SIGLEC1: variants seen among roughly 807,000 people sequenced by gnomAD.
The protein encoded by SIGLEC1 is sialic acid binding Ig like lectin 1, also known as sialoadhesin.
Under a neutral mutation model 148.0 loss-of-function variants are expected in SIGLEC1, and 132 were observed. The observed-to-expected ratio is 0.89, with a 90% confidence interval of 0.77 to 1.03. SIGLEC1 has a LOEUF of 1.03. SIGLEC1 is among the 50% of genes least tolerant of loss of function. SIGLEC1 has a pLI of 0.00. For missense variants in SIGLEC1, 2,253 were observed against 2,271.4 expected (o/e 0.99, Z 0.16); for synonymous variants, 945 against 969.0 (o/e 0.98, Z 0.46).
rs2087872993 is a variant in SIGLEC1 at position 3,703,931 on chromosome 20, C to T, written c.867G>A (p.Val289=). Residue 289 remains valine (V), a synonymous_variant, in exon 5 of 22, where the codon GTG becomes GTA. Coordinates refer to ENST00000344754, the MANE Select transcript of SIGLEC1 (RefSeq NM_023068.4). The part of the protein sequence containing the change: ...DGVRLQTKTG[V]LHLPQAAWSD... ...TCCAGGCTGCCTGGGGCAGGTGCAGCACACCAGTCTTGGTTTGGAGGCGTA... is the reference window on the plus strand; with the variant it reads ...TCCAGGCTGCCTGGGGCAGGTGCAGTACACCAGTCTTGGTTTGGAGGCGTA... 1.2e-6 allele frequency: 2 copies of T among 1,613,716 alleles called. No individual in the cohort carries two copies. Among genetic ancestry groups the T allele is most frequent in the Non-Finnish European group, 1.7e-6 (2 of 1,179,908 alleles).
At chr20:3,706,885 G>A (rs532703249) in intron 2 of SIGLEC1, among the ~76,000 whole-genome samples, 179 bp from the exon 3 acceptor site, 9 of 152,298 alleles carry the variant, frequency 5.9e-5, no homozygotes, top group African/African-American at 1.7e-4. Flanking sequence ...TCCACTGCCC[G>A]AGGCTGCTCA....
At chr20:3,708,661 C>T (rs1011452465) in intron 1 of SIGLEC1, among the ~76,000 whole-genome samples, 1 of 152,040 alleles carries the variant, frequency 6.6e-6, no homozygotes, top group Non-Finnish European at 1.5e-5. Context: ...GTGGGAAGAT[C>T]GCTTGAGCCC....
intron 21 of SIGLEC1, 77 bp downstream of exon 21, chr20:3,689,078 G>T: frequency 1.6e-6 from 2 of 1,258,542 alleles, no homozygotes; most frequent in South Asian, 1.2e-5. Flanking sequence ...TCCTCTAAAT[G>T]ACAGCAGTCT....
rs751131292 is a variant in SIGLEC1 at position 3,703,832 on chromosome 20, G to A, written c.966C>T (p.His322=). ...GSLVSPPISL[H]IFMAEVQVSP... ...ACCTTCCCAAGAACTCACTGAAGAT[G>A]TGGAGGCTGATGGGGGGTGAGACCA... The change falls in exon 5 of 22, where the codon CAC becomes CAT. Residue 322 remains histidine (H), a synonymous_variant. Coordinates refer to ENST00000344754, the MANE Select transcript of SIGLEC1 (RefSeq NM_023068.4). 1 of 1,613,880 alleles carries A rather than the reference G, an allele frequency of 6.2e-7. No homozygotes were observed. Among genetic ancestry groups the A allele is most frequent in the Non-Finnish European group, 8.5e-7 (1 of 1,180,038 alleles).
chr20:3,696,779 G>A lies in SIGLEC1; in HGVS notation c.2490C>T (p.Phe830=). 6.2e-7 allele frequency: 1 copy of A among 1,613,068 alleles called. No individual in the cohort carries two copies. The change falls in exon 11 of 22, where the codon TTC becomes TTT. Residue 830 remains phenylalanine (F), a synonymous_variant. Transcript: ENST00000344754. ...TGGTGGCCAGGAGGTGCTCCCCATG[G>A]AACAAGGCCAGCAAGGCCAGGGGGC... ...DSRPLALLAL[F]HGEHLLATSL...
In SIGLEC1 at chr20:3,689,721, C is replaced by A; in HGVS notation, c.4895-19G>T. Reference sequence around the variant, plus strand: ...TGCAGGGCTGGAACACAGAGCGGGACTCAGAGCAGCCACAGCTGCAGGCCC... The same window carrying A: ...TGCAGGGCTGGAACACAGAGCGGGAATCAGAGCAGCCACAGCTGCAGGCCC... On this transcript the variant is annotated intron_variant, in intron 19 of 21. Coordinates refer to ENST00000344754, the MANE Select transcript of SIGLEC1 (RefSeq NM_023068.4). The A allele has an allele frequency of 6.4e-7, 1 of 1,553,504 alleles. No individual in the cohort carries two copies. Among genetic ancestry groups the A allele is most frequent in the Non-Finnish European group, 8.7e-7 (1 of 1,147,414 alleles).
chr20:3,711,711 T>C (rs1600294212), intron 1 of SIGLEC1, among the ~76,000 whole-genome samples: 1 of 152,236 alleles, frequency 6.6e-6, no homozygotes, highest in East Asian at 1.9e-4. Flanking sequence ...AATCCATAAC[T>C]AATGCTTATT....
rs755673325 is a variant in SIGLEC1, at chr20:3,697,949, C to T, written c.1971G>A (p.Gly657=). ...TGACCTTCATGCGTGGGGAACAGCC[C>T]CCACAGGTGCTGCAGCCACCCCCTG... is the stretch of plus-strand genomic sequence containing the variant. The part of the protein sequence containing the change: ...LPSGGGCSTC[G]GCSPRMKVTK... The change falls in exon 9 of 22, where the codon GGG becomes GGA. Residue 657 remains glycine (G), a synonymous_variant. Coordinates refer to ENST00000344754, the MANE Select transcript of SIGLEC1 (RefSeq NM_023068.4). 1 of 1,612,584 alleles carries T rather than the reference C, an allele frequency of 6.2e-7. No individual in the cohort carries two copies. Among genetic ancestry groups the T allele is most frequent in the Admixed American group, 1.7e-5 (1 of 59,966 alleles).
At position 3,697,907 on chromosome 20, in the gene SIGLEC1, C is replaced by G. The variant is rs1483582853; in HGVS notation, c.2013G>C (p.Leu671Phe). 6.2e-7 allele frequency: 1 copy of G among 1,613,130 alleles called. No homozygotes were observed. The highest frequency in any genetic ancestry group is 1.7e-5 in the Admixed American group (1 of 60,010). ...AAGGGTTGTGAATCTCCACACGCAG[C>G]AAGTTGGGGGCTTTGGTGACCTTCA... ...PRMKVTKAPN[L>F]LRVEIHNPLL... Residue 671 changes from leucine (L) to phenylalanine (F), a missense_variant, in exon 9 of 22, where the codon TTG (leucine) becomes TTC (phenylalanine). By Grantham distance (22) the Leu-to-Phe change is conservative (BLOSUM62 0). Coordinates refer to ENST00000344754, the MANE Select transcript of SIGLEC1 (RefSeq NM_023068.4).
In SIGLEC1 at chr20:3,692,673, G is replaced by A. The variant is rs1489509808; in HGVS notation, c.3878C>T (p.Thr1293Ile). The change falls in exon 16 of 22, where the codon ACT becomes ATT. Residue 1293 changes from threonine (T) to isoleucine (I), a missense_variant. Transcript: ENST00000344754. ...DPAAHAPTLY[T>I]WYHNGRWLQE... ...CAGCCAACGACCGTTGTGGTACCAA[G>A]TATAGAGTGTGGGTGCGTGGGCAGC... 3 of 1,613,020 alleles carry A rather than the reference G, an allele frequency of 1.9e-6. No individual in the cohort carries two copies. Among genetic ancestry groups the A allele is most frequent in the Admixed American group, 3.3e-5 (2 of 60,014 alleles).
intron 21 of SIGLEC1, 137 bp downstream of exon 21, chr20:3,689,018 T>A: frequency 1.3e-6 from 1 of 772,170 alleles, no homozygotes; most frequent in South Asian, 1.5e-5. Context: ...CCTGAGGGGC[T>A]CCTGGTTCCC....
intron 1 of SIGLEC1, among the ~76,000 whole-genome samples, chr20:3,709,197 A>G (rs934243967): frequency 1.3e-5 from 2 of 152,126 alleles, no homozygotes; most frequent in African/African-American, 2.4e-5. Flanking sequence ...AATTCCTACA[A>G]TGAACAACAA....
rs2087920074 is a variant in SIGLEC1, at chr20:3,710,058, A to G, written c.-110+2412T>C. ...TAAAACAGTAAATTTTACATTATGT[A>G]TATTTCACCACATACACACCCATGT... is the stretch of plus-strand genomic sequence containing the variant. On this transcript the variant is annotated intron_variant, in intron 1 of 21. Coordinates refer to ENST00000344754, the MANE Select transcript of SIGLEC1 (RefSeq NM_023068.4). The surrounding 1 kb of genome is among the most constrained non-coding windows in gnomAD (Gnocchi z 4.6). Among the ~76,000 whole-genome samples, 1 of 152,230 alleles carries G rather than the reference A, an allele frequency of 6.6e-6. No individual in the cohort carries two copies. The highest frequency in any genetic ancestry group is 2.4e-5 in the African/African-American group (1 of 41,458).
chr20:3,690,118 C>A lies in SIGLEC1; in HGVS notation c.4738G>T (p.Gly1580Cys), dbSNP rs778473669. The change falls in exon 19 of 22, where the codon GGT becomes TGT. Residue 1580 changes from glycine (G) to cysteine (C), a missense_variant. Transcript: ENST00000344754. ...TGGATGTGTGGCTCTGCAGGAGCACCCTGGGGCTGACTGGAGGCCACCAGT... is the reference window on the plus strand; with the variant it reads ...TGGATGTGTGGCTCTGCAGGAGCACACTGGGGCTGACTGGAGGCCACCAGT... ...SRLVASSQPQ[G>C]APAEPHIHVL... 2 of 1,609,900 alleles carry A rather than the reference C, an allele frequency of 1.2e-6. No individual in the cohort carries two copies. The highest frequency in any genetic ancestry group is 1.7e-6 in the Non-Finnish European group (2 of 1,178,628).
chr20:3,687,924 G>A lies in SIGLEC1; in HGVS notation c.*636C>T, dbSNP rs2088715119. On this transcript the variant is annotated 3_prime_UTR_variant, in exon 22 of 22. Coordinates refer to ENST00000344754, the MANE Select transcript of SIGLEC1 (RefSeq NM_023068.4). ...CTGAGTTGCGTCCACCATGGGCATGGGTGTGCTTCTACCTCCACTCTTCCT... is the reference window on the plus strand; with the variant it reads ...CTGAGTTGCGTCCACCATGGGCATGAGTGTGCTTCTACCTCCACTCTTCCT... 6.4e-6 allele frequency: 1 copy of A among 156,544 alleles called. No homozygotes were observed. Among genetic ancestry groups the A allele is most frequent in the Non-Finnish European group, 1.4e-5 (1 of 70,460 alleles). The allele number at this position is 156,544 out of a possible 1,614,324, so 9.7% of individuals were successfully genotyped here. A position where few individuals can be genotyped will look rare whatever the true frequency, so the allele number is the denominator to read the frequency against.
chr20:3,698,210 A>C, intron 8 of SIGLEC1, 77 bp from the exon 9 acceptor site: 1 of 1,280,680 alleles, frequency 7.8e-7, no homozygotes, highest in Non-Finnish European at 1.1e-6. Flanking sequence ...CTCCCAGAAT[A>C]CACTGGACAA....
At chr20:3,693,921 C>A (rs901540998) in intron 13 of SIGLEC1, among the ~76,000 whole-genome samples, 1 of 152,174 alleles carries the variant, frequency 6.6e-6, no homozygotes, top group Non-Finnish European at 1.5e-5. Context: ...CTGGAAAGCC[C>A]TGAGCCCCTC....
rs780180934 is a variant in SIGLEC1, at chr20:3,697,103, C to T, written c.2362G>A (p.Val788Met). 4.3e-6 allele frequency: 7 copies of T among 1,612,038 alleles called. No homozygotes were observed. Among genetic ancestry groups the T allele is most frequent in the Non-Finnish European group, 5.9e-6 (7 of 1,180,002 alleles). The change falls in exon 10 of 22, where the codon GTG becomes ATG. Residue 788 changes from valine to methionine, a missense_variant. Physicochemically the swap from Val to Met is conservative, Grantham distance 21. Coordinates refer to ENST00000344754, the MANE Select transcript of SIGLEC1 (RefSeq NM_023068.4). ...TEAGAQLSTPVLLSVLYPPDR... is the reference protein window; with the variant it reads ...TEAGAQLSTPMLLSVLYPPDR... ...CACCCACAGAGTACACTCAGGAGCACGGGAGTGGAGAGCTGGGCACCAGCC... is the reference window on the plus strand; with the variant it reads ...CACCCACAGAGTACACTCAGGAGCATGGGAGTGGAGAGCTGGGCACCAGCC...
At chr20:3,690,309 A>C (rs1204240731) in intron 18 of SIGLEC1, 45 bp from the exon 19 acceptor site, 3 of 1,467,730 alleles carry the variant, frequency 2.0e-6, no homozygotes, top group Non-Finnish European at 2.7e-6. Flanking sequence ...AATGACCACA[A>C]ATTTCTCCCT....
Sources: gnomAD v4.1 joint callset for allele counts (sites outside exome capture counted in the v4.1 genomes callset) on GRCh38, gnomAD v4.1.1 for gene constraint, Gnocchi (gnomAD v3.1) non-coding constraint, MANE v1.5 for transcripts, NCBI Gene and HGNC (gene_info 2026-07-23, HGNC 2026-07-21) for gene names.